TTC27: variants seen among roughly 807,000 people sequenced by gnomAD.
The protein encoded by TTC27 is tetratricopeptide repeat protein 27.
Under a neutral mutation model 115.9 loss-of-function variants are expected in TTC27, and 79 were observed. The ratio of observed to expected loss-of-function variants is 0.68; its 90% CI spans 0.57 to 0.82. TTC27 has a LOEUF of 0.82. Ranked by LOEUF, TTC27 falls within the 40% of genes least tolerant of loss-of-function variation. The pLI is 0.00. For synonymous variants in TTC27, 401 were observed against 356.0 expected, an observed-to-expected ratio of 1.13 and a Z score of -1.42; for missense variants, 1,054 against 993.1, an observed-to-expected ratio of 1.06 and a Z score of -0.82.
rs559366489 is a variant in TTC27, at chr2:32,809,602, T to G, written c.1999-1422T>G. ...CCATGGACTGCACTGACTAGCATGG[T>G]GTTACAGTACTTTCCTCAAGCTGGT... On this transcript the variant is annotated intron_variant, in intron 16 of 19. Transcript: ENST00000317907. 2.0e-5 allele frequency among the ~76,000 whole-genome samples: 3 copies of G among 152,284 alleles called. No homozygotes were observed. In the South Asian group the frequency reaches 6.2e-4, roughly 32 times the overall value.
At chr2:32,685,822 ACTTGT>A (rs1265736231) in intron 9 of TTC27, among the ~76,000 whole-genome samples, 1 of 152,220 alleles carries the variant, frequency 6.6e-6, no homozygotes, top group Non-Finnish European at 1.5e-5. Flanking sequence ...TGCTTTCTTC[ACTTGT>A]CTTCTAGTTG....
At chr2:32,725,089 AC>A (rs1029620626) in intron 10 of TTC27, among the ~76,000 whole-genome samples, 2 of 152,026 alleles carry the variant, frequency 1.3e-5, no homozygotes, top group Non-Finnish European at 2.9e-5. Flanking sequence ...TGATTCAGTT[AC>A]CTCCCACTGG....
At chr2:32,747,962 A>G (rs1484203618) in intron 12 of TTC27, among the ~76,000 whole-genome samples, 5 of 151,870 alleles carry the variant, frequency 3.3e-5, no homozygotes, top group Admixed American at 2.6e-4. Flanking sequence ...TGTTTTTTAA[A>G]TTTATACCCT....
At chr2:32,729,376 G>A (rs1668215802) in intron 10 of TTC27, among the ~76,000 whole-genome samples, 2 of 152,130 alleles carry the variant, frequency 1.3e-5, no homozygotes, top group South Asian at 4.2e-4. Context: ...GTTGAAAACA[G>A]AGCATTGAAA....
chr2:32,664,433 T>C lies in TTC27; in HGVS notation c.771T>C (p.Ala257=), dbSNP rs757522435. Residue 257 remains alanine (A), a synonymous_variant, in exon 6 of 20, where the codon GCT becomes GCC. Coordinates refer to ENST00000317907, the MANE Select transcript of TTC27 (RefSeq NM_017735.5). ...YRKAKDQLDI[A]KDISQLQIDL... ...AAGCAAAAGATCAGTTGGATATTGC[T>C]AAGGACATCAGCCAATTACAAATTG... 1 of 1,609,462 alleles carries C rather than the reference T, an allele frequency of 6.2e-7. No individual in the cohort carries two copies. The highest frequency in any genetic ancestry group is 8.5e-7 in the Non-Finnish European group (1 of 1,178,994).
chr2:32,720,558 A>T (rs562174899), intron 10 of TTC27, among the ~76,000 whole-genome samples: 25 of 152,316 alleles, frequency 1.6e-4, no homozygotes, highest in Middle Eastern at 3.4e-3. Flanking sequence ...GATTACACTG[A>T]GGTCAACATA....
At chr2:32,652,638 TTATC>T (rs1222175262) in intron 5 of TTC27, among the ~76,000 whole-genome samples, 5 of 152,176 alleles carry the variant, frequency 3.3e-5, no homozygotes, top group Admixed American at 6.5e-5. Flanking sequence ...ACTTTTCAGT[TTATC>T]TAGTCATAAA....
At chr2:32,732,939 G>A (rs1668341787) in intron 10 of TTC27, among the ~76,000 whole-genome samples, 1 of 152,194 alleles carries the variant, frequency 6.6e-6, no homozygotes, top group African/African-American at 2.4e-5. Flanking sequence ...AGGTATAAGT[G>A]TATAATACCA....
chr2:32,807,584 A>G (rs1671172990), intron 16 of TTC27, among the ~76,000 whole-genome samples: 1 of 152,240 alleles, frequency 6.6e-6, no homozygotes, highest in African/African-American at 2.4e-5. Flanking sequence ...CTAAATGCCT[A>G]TGCAAAGGAT....
chr2:32,754,806 G>T (rs1348659183), intron 12 of TTC27, among the ~76,000 whole-genome samples: 1 of 130,510 alleles, frequency 7.7e-6, no homozygotes, highest in African/African-American at 2.8e-5. Context: ...GGACGGGGCG[G>T]CTGGCTGGGC....
In TTC27 at chr2:32,820,944, C is replaced by T. The variant is rs1572643300; in HGVS notation, c.*6C>T. On this transcript the variant is annotated 3_prime_UTR_variant, in exon 20 of 20. Coordinates refer to ENST00000317907, the MANE Select transcript of TTC27 (RefSeq NM_017735.5). Reference sequence around the variant, plus strand: ...AGTTTCGAAATCAGTATTGATTCTGCTGGAAGCAGATTCTGGAAAAGGTGC... The same window carrying T: ...AGTTTCGAAATCAGTATTGATTCTGTTGGAAGCAGATTCTGGAAAAGGTGC... 2.7e-6 allele frequency: 4 copies of T among 1,478,696 alleles called. No individual in the cohort carries two copies. Among genetic ancestry groups the T allele is most frequent in the Non-Finnish European group, 3.6e-6 (4 of 1,106,488 alleles). The allele number at this position is 1,478,696 out of a possible 1,614,324, so 91.6% of individuals were successfully genotyped here. A position where few individuals can be genotyped will look rare whatever the true frequency, so the allele number is the denominator to read the frequency against.
At chr2:32,698,785 A>G (rs1012938882) in intron 9 of TTC27, among the ~76,000 whole-genome samples, 14 of 152,180 alleles carry the variant, frequency 9.2e-5, no homozygotes, top group Admixed American at 8.5e-4. Context: ...CGGCCAAGGA[A>G]CGTGTTGTCT....
At chr2:32,801,536 A>G (rs1405268310) in intron 16 of TTC27, among the ~76,000 whole-genome samples, 2 of 152,228 alleles carry the variant, frequency 1.3e-5, no homozygotes, top group Non-Finnish European at 2.9e-5. Context: ...GTTACATTGC[A>G]AAGACCCTAT....
intron 13 of TTC27, among the ~76,000 whole-genome samples, chr2:32,769,593 G>T (rs758687325): frequency 4.2e-4 from 64 of 152,256 alleles, no homozygotes; most frequent in Non-Finnish European, 4.9e-4. Flanking sequence ...ATTGAATATT[G>T]TAAGGAGAGA....
At position 32,722,745 on chromosome 2, in the gene TTC27, T is replaced by G. The variant is rs79135506; in HGVS notation, c.1234-11083T>G. On this transcript the variant is annotated intron_variant, in intron 10 of 19. Coordinates refer to ENST00000317907, the MANE Select transcript of TTC27 (RefSeq NM_017735.5). ...AGGCAGGAAGAAGTTAATCGAGACT[T>G]TTGTGAGAAAGGTTTAGGTTGCAGA... Among the ~76,000 whole-genome samples, 778 of 152,182 alleles carry G rather than the reference T, an allele frequency of 5.1e-3. 6 individuals carry two copies. Among genetic ancestry groups the G allele is most frequent in the Middle Eastern group, 0.024 (7 of 294 alleles).
At position 32,649,906 on chromosome 2, in the gene TTC27, T is replaced by TA. The variant is rs369217238; in HGVS notation, c.538-215dup. Among the ~76,000 whole-genome samples, 797 of 148,472 alleles carry TA rather than the reference T, an allele frequency of 5.4e-3. 8 individuals carry two copies. The highest frequency in any genetic ancestry group is 0.018 in the African/African-American group (751 of 40,656). ...AATGGCATAAGGAAGTCCAAGTGGC[T>TA]AAAAAAAAAATACAGGTTTGAGAGG... is the stretch of plus-strand genomic sequence containing the variant. On this transcript the variant is annotated intron_variant, in intron 4 of 19. Coordinates refer to ENST00000317907, the MANE Select transcript of TTC27 (RefSeq NM_017735.5).
At chr2:32,801,892 CAA>C (rs1670954285) in intron 16 of TTC27, among the ~76,000 whole-genome samples, 1 of 152,158 alleles carries the variant, frequency 6.6e-6, no homozygotes, top group Non-Finnish European at 1.5e-5. Flanking sequence ...TAAAACTTTT[CAA>C]AAGAGACAAA....
intron 4 of TTC27, among the ~76,000 whole-genome samples, chr2:32,648,880 C>T (rs945539990): frequency 6.6e-6 from 1 of 152,046 alleles, no homozygotes; most frequent in Non-Finnish European, 1.5e-5. Context: ...GGCATGGTGA[C>T]ATGGCCAGTA....
At chr2:32,705,294 T>C (rs779076804) in intron 10 of TTC27, among the ~76,000 whole-genome samples, 2 of 152,174 alleles carry the variant, frequency 1.3e-5, no homozygotes, top group Non-Finnish European at 2.9e-5. Flanking sequence ...CTGAGGTACA[T>C]GCTTGTACAG....
Sources: allele counts gnomAD v4.1 joint callset (sites outside exome capture counted in the v4.1 genomes callset), GRCh38; gene constraint gnomAD v4.1.1; transcripts MANE v1.5; gene names NCBI Gene and HGNC (gene_info 2026-07-23, HGNC 2026-07-21).